The following PKHD1 variants were observed in gnomAD, a reference collection of about 807,000 sequenced individuals.
PKHD1 encodes fibrocystin.
A neutral mutation model predicts 412.0 loss-of-function variants in PKHD1; 291 were observed. The ratio of observed to expected loss-of-function variants is 0.71; its 90% CI spans 0.64 to 0.78. The LOEUF (loss-of-function observed/expected upper bound fraction) is 0.78. Among genes scored for constraint, PKHD1 ranks in the 30% least tolerant of loss-of-function variants. The probability of loss-of-function intolerance (pLI) is 0.00; values close to 1 mark genes in which losing one functional copy is unlikely to be tolerated. For missense variants in PKHD1, 4,825 were observed against 4,950.7 expected (o/e 0.97, Z 0.76); for synonymous variants, 1,777 against 1,821.5 (o/e 0.98, Z 0.62).
chr6:52,018,294 A>G (rs77236135), intron 33 of PKHD1, among the ~76,000 whole-genome samples: 2 of 152,196 alleles, frequency 1.3e-5, no homozygotes, highest in Admixed American at 1.3e-4. Context: ...TTATTCAAAG[A>G]GTAGGTACAA....
chr6:52,061,362 T>C (rs1382795985), intron 14 of PKHD1, among the ~76,000 whole-genome samples: 1 of 152,184 alleles, frequency 6.6e-6, no homozygotes, highest in East Asian at 1.9e-4. Context: ...TTTTATTTTT[T>C]ACGTTTTAGA....
At position 52,033,022 on chromosome 6, in the gene PKHD1, T is replaced by A; in HGVS notation, c.3364+8A>T. On this transcript the variant is annotated splice_region_variant and intron_variant, in intron 29 of 66. Coordinates refer to ENST00000371117, the MANE Select transcript of PKHD1 (RefSeq NM_138694.4). ...AAGAAAAAGATCTTGCAGTATCACA[T>A]ATTTTACCTGCTATATTGCTTATGT... The A allele has an allele frequency of 6.2e-7, 1 of 1,609,688 alleles. No individual in the cohort carries two copies.
At chr6:51,981,562 G>A (rs1202718425) in intron 35 of PKHD1, among the ~76,000 whole-genome samples, 88 of 149,134 alleles carry the variant, frequency 5.9e-4, no homozygotes, top group Admixed American at 4.5e-3. Context: ...CGAGTGATCC[G>A]CCAGCCTCGG....
chr6:51,957,103 G>A (rs1237658670), intron 36 of PKHD1, among the ~76,000 whole-genome samples: 1 of 152,062 alleles, frequency 6.6e-6, no homozygotes, highest in Non-Finnish European at 1.5e-5. Context: ...TTTCAGAGGT[G>A]GGTGGTTGAA....
At chr6:51,684,502 C>T (rs558567658) in intron 60 of PKHD1, among the ~76,000 whole-genome samples, 19 of 152,048 alleles carry the variant, frequency 1.2e-4, no homozygotes, top group African/African-American at 4.6e-4. Context: ...GAGAAAAATA[C>T]AAGCAATCTG....
At chr6:52,065,934 T>G (rs754400707) in intron 12 of PKHD1, 42 bp downstream of exon 12, 1 of 957,444 alleles carries the variant, frequency 1.0e-6, no homozygotes, top group Non-Finnish European at 1.7e-6. Context: ...TCCTAGAGCA[T>G]CTAAAACTAT....
At chr6:52,072,927 G>A (rs1810843348) in intron 7 of PKHD1, among the ~76,000 whole-genome samples, 1 of 152,118 alleles carries the variant, frequency 6.6e-6, no homozygotes, top group South Asian at 2.1e-4. Flanking sequence ...CTCCAGTGTG[G>A]ATGATTTAAT....
At chr6:51,778,037 C>T (rs728997) in intron 53 of PKHD1, among the ~76,000 whole-genome samples, 86,875 of 151,900 alleles carry the variant, frequency 0.57, 25,913 homozygotes, top group East Asian at 0.83. Context: ...CATGCTATTG[C>T]AACATAAAAA....
At chr6:51,950,220 A>AAAAAAAAAAAAAAAAATATATAT in intron 36 of PKHD1, among the ~76,000 whole-genome samples, 6 of 98,296 alleles carry the variant, frequency 6.1e-5, no homozygotes, top group African/African-American at 2.3e-4. Context: ...GAAAAAAAAA[A>AAAAAAAAAAAAAAAAATATATAT]ATATATATAT....
intron 23 of PKHD1, 39 bp downstream of exon 23, chr6:52,048,453 T>C (rs1806213442): frequency 1.2e-6 from 2 of 1,603,796 alleles, no homozygotes; most frequent in Non-Finnish European, 1.7e-6. Flanking sequence ...AGTGAGAATA[T>C]GTGAGTGAGA....
chr6:51,796,997 A>T (rs1036643539), intron 52 of PKHD1, among the ~76,000 whole-genome samples: 3 of 151,970 alleles, frequency 2.0e-5, no homozygotes, highest in Admixed American at 6.6e-5. Flanking sequence ...TATTTTTAGT[A>T]AAGACAGGGT....
chr6:51,831,546 T>C (rs1768258201), intron 51 of PKHD1, among the ~76,000 whole-genome samples: 1 of 152,196 alleles, frequency 6.6e-6, no homozygotes, highest in African/African-American at 2.4e-5. Flanking sequence ...AGACTCTTTC[T>C]ATTCTCTGTT....
intron 52 of PKHD1, among the ~76,000 whole-genome samples, chr6:51,793,742 A>G (rs1334650858): frequency 6.6e-6 from 1 of 152,138 alleles, no homozygotes; most frequent in Non-Finnish European, 1.5e-5. Context: ...CATTGTATCT[A>G]TGTACCACAT....
At chr6:51,784,471 G>A (rs985992745) in intron 53 of PKHD1, among the ~76,000 whole-genome samples, 4 of 152,134 alleles carry the variant, frequency 2.6e-5, no homozygotes, top group Non-Finnish European at 4.4e-5. Flanking sequence ...CAACATCACA[G>A]TTATGAATCT....
At chr6:51,760,565 A>G (rs1049277978) in intron 55 of PKHD1, among the ~76,000 whole-genome samples, 5 of 152,102 alleles carry the variant, frequency 3.3e-5, no homozygotes, top group African/African-American at 1.2e-4. Flanking sequence ...GAGGAGATGC[A>G]AGAATACTGC....
intron 34 of PKHD1, among the ~76,000 whole-genome samples, chr6:52,017,152 T>C (rs1469656999): frequency 6.6e-6 from 1 of 152,228 alleles, no homozygotes; most frequent in Non-Finnish European, 1.5e-5. Flanking sequence ...AAGATAAATA[T>C]TAAAATCTAA....
At position 52,022,816 on chromosome 6, in the gene PKHD1, C is replaced by G. The variant is rs1288521396; in HGVS notation, c.5365G>C (p.Val1789Leu). 1 of 1,614,026 alleles carries G rather than the reference C, an allele frequency of 6.2e-7. No individual in the cohort carries two copies. Among genetic ancestry groups the G allele is most frequent in the Non-Finnish European group, 8.5e-7 (1 of 1,180,008 alleles). ...NATVSAFSCL[V>L]LPLDVSLAFL... ...CTTTACTCACCATCCAGGGGCAGAA[C>G]CAAGCAGCTGAAGGCAGACACTGTA... Residue 1789 changes from valine (V) to leucine (L), a missense_variant, in exon 33 of 67, where the codon GTT becomes CTT. By Grantham distance (32) the Val-to-Leu change is conservative. Transcript: ENST00000371117.
At chr6:51,705,068 C>A (rs115237284) in intron 60 of PKHD1, among the ~76,000 whole-genome samples, 2,039 of 152,076 alleles carry the variant, frequency 0.013, 21 homozygotes, top group Non-Finnish European at 0.021. Flanking sequence ...GATTTGTTTG[C>A]ATAGTAGAGT....
At chr6:51,896,075 G>A (rs2127588246) in intron 43 of PKHD1, among the ~76,000 whole-genome samples, 1 of 152,308 alleles carries the variant, frequency 6.6e-6, no homozygotes, top group South Asian at 2.1e-4. Flanking sequence ...CTGCAAGTCG[G>A]TAGCCAGGCT....
Sources: allele counts gnomAD v4.1 joint callset (sites outside exome capture counted in the v4.1 genomes callset), GRCh38; gene constraint gnomAD v4.1.1; transcripts MANE v1.5; gene names NCBI Gene and HGNC (gene_info 2026-07-23, HGNC 2026-07-21).